VPS37A: variants seen among roughly 807,000 people sequenced by gnomAD.
VPS37A encodes VPS37A subunit of ESCRT-I.
Under a neutral mutation model 49.8 loss-of-function variants are expected in VPS37A, and 30 were observed. That is an observed-to-expected ratio of 0.60 (90% confidence interval 0.45 to 0.82). VPS37A has a LOEUF of 0.82. Among genes scored for constraint, VPS37A ranks in the 40% least tolerant of loss-of-function variants. The pLI is 0.00. For missense variants in VPS37A, 593 were observed against 464.4 expected, an observed-to-expected ratio of 1.28 and a Z score of -2.55; for synonymous variants, 195 against 160.6, an observed-to-expected ratio of 1.21 and a Z score of -1.62.
At position 17,268,849 on chromosome 8, in the gene VPS37A, C is replaced by G; in HGVS notation, c.316-7C>G. 4 of 1,581,698 alleles carry G rather than the reference C, an allele frequency of 2.5e-6. No individual in the cohort carries two copies. Among genetic ancestry groups the G allele is most frequent in the Non-Finnish European group, 3.5e-6 (4 of 1,157,702 alleles). On this transcript the variant is annotated splice_region_variant and splice_polypyrimidine_tract_variant and intron_variant, in intron 3 of 11. Coordinates refer to ENST00000324849, the MANE Select transcript of VPS37A (RefSeq NM_152415.3). The stretch of plus-strand genomic sequence containing the variant: ...TGATTTTAAGCGTCATGTATTGTTA[C>G]TTTCAGTTTACAATGCACTCAGATC...
the VPS37A span, among the ~76,000 whole-genome samples, chr8:17,315,798 G>T: frequency 6.6e-6 from 1 of 152,124 alleles, no homozygotes; most frequent in Non-Finnish European, 1.5e-5. Flanking sequence ...GATCATTTGA[G>T]TCAAGGAGTT....
the VPS37A span, chr8:17,311,527 G>A: frequency 6.2e-7 from 1 of 1,614,142 alleles, no homozygotes; most frequent in South Asian, 1.1e-5. Context: ...GCCCTTCAGA[G>A]TCCGGTAGTG....
chr8:17,268,726 T>G (rs1200339832), intron 3 of VPS37A, 130 bp from the exon 4 acceptor site: 3 of 668,530 alleles, frequency 4.5e-6, no homozygotes, highest in Non-Finnish European at 5.1e-6. Context: ...ACTTGTTAAT[T>G]GCTAATATCC....
At chr8:17,284,807 C>T (rs17587134) in intron 10 of VPS37A, among the ~76,000 whole-genome samples, 191 bp downstream of exon 10, 1 of 152,098 alleles carries the variant, frequency 6.6e-6, no homozygotes, top group Admixed American at 6.5e-5. Flanking sequence ...GTTCCTGGAA[C>T]TTAAAACTTT....
At chr8:17,249,644 A>G (rs1316780222) in intron 1 of VPS37A, among the ~76,000 whole-genome samples, 2 of 152,222 alleles carry the variant, frequency 1.3e-5, no homozygotes, top group African/African-American at 4.8e-5. Context: ...AAATAATGAC[A>G]TATATTTGTA....
At chr8:17,268,443 A>T (rs1813674617) in intron 3 of VPS37A, 71 bp downstream of exon 3, 2 of 1,161,124 alleles carry the variant, frequency 1.7e-6, no homozygotes, top group Non-Finnish European at 1.2e-6. Context: ...ATATTTTAGA[A>T]ATCTGAAATG....
intron 11 of VPS37A, among the ~76,000 whole-genome samples, chr8:17,286,868 C>T (rs769833272): frequency 1.3e-5 from 2 of 152,128 alleles, no homozygotes; most frequent in Non-Finnish European, 2.9e-5. Flanking sequence ...GGGTTCTCTT[C>T]CTATGCAGCA....
chr8:17,300,984 T>G (rs1291795682), downstream of VPS37A, among the ~76,000 whole-genome samples: 1 of 152,216 alleles, frequency 6.6e-6, no homozygotes, highest in Non-Finnish European at 1.5e-5. Context: ...CAGTATTCCA[T>G]TACATGGATA....
chr8:17,327,284 T>C, the VPS37A span, among the ~76,000 whole-genome samples: 2 of 152,270 alleles, frequency 1.3e-5, no homozygotes, highest in African/African-American at 4.8e-5. Flanking sequence ...TTATTTTATT[T>C]TTGAGACAGA....
the VPS37A span, among the ~76,000 whole-genome samples, chr8:17,321,159 C>T: frequency 1.3e-5 from 2 of 152,220 alleles, no homozygotes; most frequent in Non-Finnish European, 2.9e-5. Context: ...ACCACCTTCT[C>T]TTCCCACAAG....
At chr8:17,250,237 C>G (rs945439324) in intron 1 of VPS37A, among the ~76,000 whole-genome samples, 1 of 152,134 alleles carries the variant, frequency 6.6e-6, no homozygotes, top group Non-Finnish European at 1.5e-5. Context: ...CTCCAGACTC[C>G]TTTAATTCAA....
intron 1 of VPS37A, chr8:17,247,654 G>A: frequency 1.4e-6 from 1 of 704,096 alleles, no homozygotes; most frequent in Non-Finnish European, 2.6e-6. Context: ...CTCTCTCATA[G>A]TCTATTTCCA....
chr8:17,306,197 G>C (rs1238950644), downstream of VPS37A, among the ~76,000 whole-genome samples: 1 of 152,150 alleles, frequency 6.6e-6, no homozygotes, highest in Non-Finnish European at 1.5e-5. Context: ...GAAAGTGTTA[G>C]TGCAAGAAAT....
intron 1 of VPS37A, among the ~76,000 whole-genome samples, chr8:17,251,991 T>G (rs894647130): frequency 3.3e-5 from 5 of 152,200 alleles, no homozygotes; most frequent in Non-Finnish European, 5.9e-5. Flanking sequence ...CTCTTGTTTC[T>G]ATAGAATTCA....
At chr8:17,311,842 A>T in the VPS37A span, 1 of 673,252 alleles carries the variant, frequency 1.5e-6, no homozygotes, top group East Asian at 2.8e-5. Context: ...TTCCCATTCT[A>T]TCCAGAAGCC....
rs1335868282 is a variant in VPS37A at position 17,296,721 on chromosome 8, C to A, written c.*1735C>A. The stretch of plus-strand genomic sequence containing the variant: ...ATTGTTTAGATGCTTATCTACTTTC[C>A]TTTTCACCAGAAAAACAGAAAAAAA... On this transcript the variant is annotated 3_prime_UTR_variant, in exon 12 of 12. Transcript: ENST00000324849. 1.3e-5 allele frequency: 2 copies of A among 152,082 alleles called. No homozygotes were observed. The highest frequency in any genetic ancestry group is 4.8e-5 in the African/African-American group (2 of 41,408). 9.4% of individuals were successfully genotyped at this position (152,082 alleles called of 1,614,324 possible). A position where few individuals can be genotyped will look rare whatever the true frequency, so the allele number is the denominator to read the frequency against.
At chr8:17,247,468 TC>T in intron 1 of VPS37A, 99 bp downstream of exon 1, 1 of 1,461,534 alleles carries the variant, frequency 6.8e-7, no homozygotes, top group Non-Finnish European at 9.1e-7. Context: ...CCCCACCAGC[TC>T]CTCATGTGGT....
intron 11 of VPS37A, among the ~76,000 whole-genome samples, chr8:17,291,076 T>C (rs1563292644): frequency 6.6e-6 from 1 of 152,172 alleles, no homozygotes; most frequent in Non-Finnish European, 1.5e-5. Flanking sequence ...TGCATTGGTA[T>C]GATCTTGGCT....
chr8:17,280,975 A>G (rs918839862), intron 9 of VPS37A, among the ~76,000 whole-genome samples: 2 of 151,994 alleles, frequency 1.3e-5, no homozygotes, highest in Non-Finnish European at 2.9e-5. Context: ...GTATCATACC[A>G]ATAACAACCT....
Sources: allele counts gnomAD v4.1 joint callset (sites outside exome capture counted in the v4.1 genomes callset), GRCh38; gene constraint gnomAD v4.1.1; transcripts MANE v1.5; gene names NCBI Gene and HGNC (gene_info 2026-07-23, HGNC 2026-07-21).